The following MYO16 variants were observed in gnomAD, a reference collection of about 807,000 sequenced individuals.
MYO16 encodes unconventional myosin-XVI.
A neutral mutation model predicts 205.3 loss-of-function variants in MYO16; 94 were observed. That is an observed-to-expected ratio of 0.46 (90% confidence interval 0.39 to 0.54). The LOEUF (loss-of-function observed/expected upper bound fraction) is 0.54. Ranked by LOEUF, MYO16 falls within the 20% of genes least tolerant of loss-of-function variation. The pLI is 0.00. For missense variants in MYO16, 2,315 were observed against 2,387.5 expected (o/e 0.97, Z 0.63); for synonymous variants, 988 against 954.0 (o/e 1.04, Z -0.66).
intron 12 of MYO16, among the ~76,000 whole-genome samples, chr13:108,871,481 C>G (rs1879062149): frequency 6.6e-6 from 1 of 152,036 alleles, no homozygotes; most frequent in South Asian, 2.1e-4. Context: ...TATCTTCCTT[C>G]CAAGAAGATT....
chr13:108,810,339 C>T (rs551010930), intron 7 of MYO16, among the ~76,000 whole-genome samples: 20 of 152,042 alleles, frequency 1.3e-4, no homozygotes, highest in Non-Finnish European at 2.2e-4. Flanking sequence ...GCACAGTGAC[C>T]GAAAGACAAA....
intron 10 of MYO16, among the ~76,000 whole-genome samples, chr13:108,848,014 G>A (rs1366513614): frequency 1.3e-5 from 2 of 152,130 alleles, no homozygotes; most frequent in African/African-American, 4.8e-5. Context: ...GGAAAGAGGC[G>A]TGCAGCTTTG....
At chr13:108,732,430 A>G (rs1884553031) in intron 4 of MYO16, among the ~76,000 whole-genome samples, 2 of 152,226 alleles carry the variant, frequency 1.3e-5, no homozygotes, top group Non-Finnish European at 2.9e-5. Flanking sequence ...GGATGGCTTC[A>G]TGAAAAAGGT....
chr13:108,833,536 A>C (rs1199616749), intron 9 of MYO16, among the ~76,000 whole-genome samples: 1 of 152,096 alleles, frequency 6.6e-6, no homozygotes, highest in African/African-American at 2.4e-5. Flanking sequence ...TGTTTCTGTT[A>C]GTTTTTGTTG....
chr13:108,622,342 G>A (rs1216118456), intron 1 of MYO16, among the ~76,000 whole-genome samples: 3 of 152,148 alleles, frequency 2.0e-5, no homozygotes, highest in African/African-American at 4.8e-5. Flanking sequence ...CATTACAGCT[G>A]CCATTTCTTA....
chr13:108,868,331 T>C (rs1594356239), intron 12 of MYO16, among the ~76,000 whole-genome samples: 1 of 152,310 alleles, frequency 6.6e-6, no homozygotes, highest in East Asian at 1.9e-4. Flanking sequence ...CTACTGGGTA[T>C]ATATAGTGGA....
intron 9 of MYO16, among the ~76,000 whole-genome samples, chr13:108,836,055 C>A (rs1231407485): frequency 6.6e-6 from 1 of 152,172 alleles, no homozygotes; most frequent in African/African-American, 2.4e-5. Context: ...ACCTTCACAG[C>A]AGCCCCTCTC....
At chr13:109,053,647 C>G (rs1887321728) in intron 25 of MYO16, among the ~76,000 whole-genome samples, 1 of 152,056 alleles carries the variant, frequency 6.6e-6, no homozygotes, top group African/African-American at 2.4e-5. Context: ...AGGTAACTCA[C>G]AGTAGTTCCT....
chr13:109,123,205 A>G (rs1203344322), intron 29 of MYO16, among the ~76,000 whole-genome samples: 1 of 152,238 alleles, frequency 6.6e-6, no homozygotes, highest in Non-Finnish European at 1.5e-5. Context: ...ATCAATATTT[A>G]GCAACTGGTG....
At chr13:108,922,762 A>G (rs969087624) in intron 16 of MYO16, among the ~76,000 whole-genome samples, 1 of 152,236 alleles carries the variant, frequency 6.6e-6, no homozygotes, top group Non-Finnish European at 1.5e-5. Flanking sequence ...GTGTGTGCAC[A>G]GGAATCTGAA....
rs1292769727 is a variant in MYO16 at position 109,127,320 on chromosome 13, G to T, written c.3821G>T (p.Ser1274Ile). The change falls in exon 31 of 35, where the codon AGC becomes ATC. Residue 1274 changes from serine to isoleucine, a missense_variant. This residue lies in a region of MYO16 where 1,097 missense variants were observed against 1,092.0 expected (regional missense o/e 1.00). Coordinates refer to ENST00000457511, the MANE Select transcript of MYO16 (RefSeq NM_001198950.3). The surrounding 1 kb of genome is among the most constrained non-coding windows in gnomAD (Gnocchi z 4.2). ...AGTGGACCCAGGCATTTCCACCCCA[G>T]CTCCATGTCAGTCTGCGCGGCCGTG... ...DKSGPRHFHP[S>I]SMSVCAAVDG... 1 of 1,606,206 alleles carries T rather than the reference G, an allele frequency of 6.2e-7. No individual in the cohort carries two copies. Among genetic ancestry groups the T allele is most frequent in the Non-Finnish European group, 8.5e-7 (1 of 1,174,072 alleles).
At chr13:108,956,812 C>G (rs1322762505) in intron 16 of MYO16, among the ~76,000 whole-genome samples, 2 of 152,218 alleles carry the variant, frequency 1.3e-5, no homozygotes, top group East Asian at 3.9e-4. Flanking sequence ...TAGACTCTAT[C>G]TCTCTGATTT....
chr13:108,516,796 G>C, the MYO16 span, among the ~76,000 whole-genome samples: 1 of 152,138 alleles, frequency 6.6e-6, no homozygotes, highest in East Asian at 1.9e-4. Flanking sequence ...CATTTTTGCT[G>C]TATAGTCTGC....
the MYO16 span, among the ~76,000 whole-genome samples, chr13:108,516,478 A>G: frequency 3.3e-5 from 5 of 152,166 alleles, no homozygotes; most frequent in East Asian, 3.9e-4. Flanking sequence ...AGCTGTTCCT[A>G]TTCGGCCATC....
the MYO16 span, among the ~76,000 whole-genome samples, chr13:108,566,999 A>G: frequency 0.044 from 6,674 of 152,252 alleles, 443 homozygotes; most frequent in African/African-American, 0.15. Flanking sequence ...TGGCCAGTAG[A>G]TGGAGATTTT....
chr13:108,727,210 A>G (rs998840561), intron 3 of MYO16, among the ~76,000 whole-genome samples: 1 of 151,944 alleles, frequency 6.6e-6, no homozygotes, highest in African/African-American at 2.4e-5. Flanking sequence ...CCTACTATCT[A>G]CCCTGATTTT....
At chr13:108,620,086 T>G (rs918575531) in intron 1 of MYO16, among the ~76,000 whole-genome samples, 18 of 152,138 alleles carry the variant, frequency 1.2e-4, no homozygotes, top group Non-Finnish European at 2.5e-4. Context: ...GTGCCTCAAT[T>G]TCCTCATCTG....
At chr13:109,151,704 G>A (rs950196118) in intron 32 of MYO16, among the ~76,000 whole-genome samples, 1 of 152,180 alleles carries the variant, frequency 6.6e-6, no homozygotes, top group African/African-American at 2.4e-5. Context: ...TGTATGTTTT[G>A]GATTTTGGCT....
intron 12 of MYO16, 60 bp from the exon 13 acceptor site, chr13:108,882,999 A>T (rs1047980311): frequency 1.0e-5 from 16 of 1,591,786 alleles, no homozygotes; most frequent in Non-Finnish European, 1.2e-5. Flanking sequence ...TCATTATGGG[A>T]TGAGGAATAC....
Sources: allele counts gnomAD v4.1 joint callset (sites outside exome capture counted in the v4.1 genomes callset), GRCh38; gene constraint gnomAD v4.1.1; regional missense constraint gnomAD v4.1.1; non-coding constraint Gnocchi (gnomAD v3.1); transcripts MANE v1.5; gene names NCBI Gene and HGNC (gene_info 2026-07-23, HGNC 2026-07-21).